The following MATN2 variants were observed in gnomAD, a reference collection of about 807,000 sequenced individuals.
MATN2 encodes matrilin-2.
A neutral mutation model predicts 103.2 loss-of-function variants in MATN2; 69 were observed. That is an observed-to-expected ratio of 0.67 (90% CI 0.55 to 0.82). The LOEUF (loss-of-function observed/expected upper bound fraction) is 0.82, where lower values mean the gene tolerates loss of function less well. MATN2 is among the 40% of genes least tolerant of loss of function. The pLI is 0.00. For missense variants in MATN2, 1,023 were observed against 1,211.5 expected, an observed-to-expected ratio of 0.84 and a Z score of 2.31; for synonymous variants, 429 against 450.2, an observed-to-expected ratio of 0.95 and a Z score of 0.60.
intron 2 of MATN2, among the ~76,000 whole-genome samples, chr8:97,899,746 C>T (rs1351912383): frequency 6.6e-6 from 1 of 152,154 alleles, no homozygotes; most frequent in Non-Finnish European, 1.5e-5. Context: ...ACATATGAAT[C>T]GCGGGCAGGG....
At position 98,007,293 on chromosome 8, in the gene MATN2, A is replaced by G. The variant is rs1813006727; in HGVS notation, c.1450+66A>G. ...CCAGGAGTGAAACCTATGTGACTGC[A>G]GAGGGCACAGGTTGTACTTGGGCAC... On this transcript the variant is annotated intron_variant, in intron 9 of 18. Coordinates refer to ENST00000254898, the MANE Select transcript of MATN2 (RefSeq NM_002380.5). This position sits in a 1 kb window ranked among gnomAD's most constrained non-coding sequence, Gnocchi z 4.2. 1.9e-6 allele frequency: 3 copies of G among 1,606,102 alleles called. No homozygotes were observed. Among genetic ancestry groups the G allele is most frequent in the Admixed American group, 3.3e-5 (2 of 59,822 alleles).
chr8:97,939,279 G>A (rs1019705060), intron 3 of MATN2, among the ~76,000 whole-genome samples: 6 of 152,160 alleles, frequency 3.9e-5, no homozygotes, highest in African/African-American at 1.4e-4. Context: ...TGTTTTCCCT[G>A]TAAGGCACAT....
chr8:98,030,660 A>T, intron 15 of MATN2, 46 bp downstream of exon 15: 2 of 1,572,136 alleles, frequency 1.3e-6, no homozygotes, highest in South Asian at 1.2e-5. Flanking sequence ...GGCAGCATGA[A>T]CTCCTTTTTT....
chr8:97,967,854 G>C (rs1406845660), intron 5 of MATN2, among the ~76,000 whole-genome samples: 1 of 152,232 alleles, frequency 6.6e-6, no homozygotes. Context: ...TAGGGACTCT[G>C]TATGAGAGTT....
Position 97,895,413 on chromosome 8 carries a change from C to T in MATN2, c.142+7171C>T, listed in dbSNP as rs570100592. On this transcript the variant is annotated intron_variant, in intron 2 of 18. Transcript: ENST00000254898. ...TGAGCTTTCCAGAGCTTTGTCCATT[C>T]TCTTCCTTCTACCTGGAATATCCTT... is the stretch of plus-strand genomic sequence containing the variant. 6.8e-4 allele frequency among the ~76,000 whole-genome samples: 103 copies of T among 152,320 alleles called. No homozygotes were observed. The South Asian group carries it at 0.021, about 31-fold the overall frequency.
At chr8:97,933,678 C>A (rs757868302) in intron 3 of MATN2, among the ~76,000 whole-genome samples, 5 of 152,126 alleles carry the variant, frequency 3.3e-5, no homozygotes, top group Non-Finnish European at 7.4e-5. Context: ...AATCTGGAAG[C>A]TCTAAGAAAA....
intron 1 of MATN2, among the ~76,000 whole-genome samples, chr8:97,875,457 A>G (rs1242423232): frequency 6.6e-6 from 1 of 152,142 alleles, no homozygotes; most frequent in Non-Finnish European, 1.5e-5. Flanking sequence ...AAAAAGGTGC[A>G]CAAATCATGA....
In MATN2 at chr8:97,893,737, C is replaced by T. The variant is rs1048747235; in HGVS notation, c.142+5495C>T. 5.7e-4 allele frequency among the ~76,000 whole-genome samples: 87 copies of T among 152,226 alleles called. 1 individual carries two copies. Among genetic ancestry groups the T allele is most frequent in the Middle Eastern group, 3.4e-3 (1 of 294 alleles). ...GATTACAGGTGCCTGCCACCACGCC[C>T]GGTTAATTTTTGTATTTTTAGTAGA... On this transcript the variant is annotated intron_variant, in intron 2 of 18. Coordinates refer to ENST00000254898, the MANE Select transcript of MATN2 (RefSeq NM_002380.5).
intron 2 of MATN2, among the ~76,000 whole-genome samples, chr8:97,903,828 AC>A (rs948188086): frequency 1.6e-4 from 25 of 152,180 alleles, no homozygotes; most frequent in African/African-American, 6.0e-4. Flanking sequence ...CGGAGATAGG[AC>A]CACTTGATCC....
At position 98,005,925 on chromosome 8, in the gene MATN2, G is replaced by A. The variant is rs1391996843; in HGVS notation, c.1328-1180G>A. Among the ~76,000 whole-genome samples the A allele has an allele frequency of 1.3e-5, 2 of 152,342 alleles. No individual in the cohort carries two copies. The highest frequency in any genetic ancestry group is 2.1e-4 in the South Asian group (1 of 4,828). On this transcript the variant is annotated intron_variant, in intron 8 of 18. Coordinates refer to ENST00000254898, the MANE Select transcript of MATN2 (RefSeq NM_002380.5). The surrounding 1 kb of genome is among the most constrained non-coding windows in gnomAD (Gnocchi z 4.6). ...CCCAAGATCCAGCAAGTGTTCGCAG[G>A]AGATGCATCCACCAGTGGAATGTTC...
intron 4 of MATN2, among the ~76,000 whole-genome samples, chr8:97,954,307 C>T (rs981514089): frequency 8.5e-5 from 13 of 152,218 alleles, no homozygotes; most frequent in African/African-American, 1.2e-4. Flanking sequence ...TCAGTTCACA[C>T]TGTTAAAAAT....
At chr8:97,967,773 A>T (rs188066216) in intron 5 of MATN2, among the ~76,000 whole-genome samples, 1 of 152,366 alleles carries the variant, frequency 6.6e-6, no homozygotes, top group East Asian at 1.9e-4. Context: ...GCAAACTGCC[A>T]GTGGCTCTAC....
rs2130258146 is a variant in MATN2, at chr8:97,961,503, C to G, written c.931C>G (p.Leu311Val). 6.2e-7 allele frequency: 1 copy of G among 1,613,494 alleles called. No homozygotes were observed. The highest frequency in any genetic ancestry group is 2.2e-5 in the East Asian group (1 of 44,840). Residue 311 changes from leucine to valine, a missense_variant, in exon 5 of 19, where the codon CTG becomes GTG. Leu to Val is a conservative substitution (Grantham distance 32). Transcript: ENST00000254898. ...CTGCCAGTGCTACAGTGGCTACGCC[C>G]TGGCTGAGGATGGGAAGAGGTGTGT... ...FVCQCYSGYALAEDGKRCVAV... is the reference protein window; with the variant it reads ...FVCQCYSGYAVAEDGKRCVAV...
Position 97,961,530 on chromosome 8 carries a change from G to T in MATN2, c.958G>T (p.Ala320Ser). 7.4e-6 allele frequency: 12 copies of T among 1,610,750 alleles called. No individual in the cohort carries two copies. Among genetic ancestry groups the T allele is most frequent in the Non-Finnish European group, 1.0e-5 (12 of 1,178,254 alleles). Reference sequence around the variant, plus strand: ...GGCTGAGGATGGGAAGAGGTGTGTGGGTGAGTATCCCTCCAGCTGGGCTTG... The same window carrying T: ...GGCTGAGGATGGGAAGAGGTGTGTGTGTGAGTATCCCTCCAGCTGGGCTTG... Reference protein sequence around the residue: ...ALAEDGKRCVAVDYCASENHG... With the variant: ...ALAEDGKRCVSVDYCASENHG... Residue 320 changes from alanine (A) to serine (S), a missense_variant and splice_region_variant, in exon 5 of 19, where the codon GCT becomes TCT. By Grantham distance (99) the Ala-to-Ser change is moderately conservative. Coordinates refer to ENST00000254898, the MANE Select transcript of MATN2 (RefSeq NM_002380.5).
In MATN2 at chr8:97,931,927, T is replaced by G. The variant is rs1489719230; in HGVS notation, c.712+405T>G. Among the ~76,000 whole-genome samples, 1 of 152,204 alleles carries G rather than the reference T, an allele frequency of 6.6e-6. No individual in the cohort carries two copies. The highest frequency in any genetic ancestry group is 2.4e-5 in the African/African-American group (1 of 41,450). On this transcript the variant is annotated intron_variant, in intron 3 of 18. Coordinates refer to ENST00000254898, the MANE Select transcript of MATN2 (RefSeq NM_002380.5). The surrounding 1 kb of genome is among the most constrained non-coding windows in gnomAD (Gnocchi z 4.1). ...CATGTTGCCCAGGCTGATCTGAAAC[T>G]CCTGGCTTCAAGCGATCCTCCTGCC...
At chr8:97,941,049 C>T (rs1456006659) in intron 3 of MATN2, among the ~76,000 whole-genome samples, 1 of 150,854 alleles carries the variant, frequency 6.6e-6, no homozygotes, top group Non-Finnish European at 1.5e-5. Flanking sequence ...ATAGTCCCAG[C>T]TACTCAGGAA....
At chr8:97,973,893 A>G (rs1167680141) in intron 5 of MATN2, among the ~76,000 whole-genome samples, 1 of 151,964 alleles carries the variant, frequency 6.6e-6, no homozygotes, top group Non-Finnish European at 1.5e-5. Flanking sequence ...GTTGTCTATG[A>G]TTTTTTAGTT....
intron 2 of MATN2, among the ~76,000 whole-genome samples, chr8:97,893,345 C>T (rs1313832959): frequency 6.6e-6 from 1 of 152,144 alleles, no homozygotes; most frequent in Non-Finnish European, 1.5e-5. Flanking sequence ...TGGCACCCAT[C>T]CCCTTCCACA....
chr8:97,888,533 C>A (rs1026163643), intron 2 of MATN2, among the ~76,000 whole-genome samples: 1 of 152,150 alleles, frequency 6.6e-6, no homozygotes, highest in Admixed American at 6.5e-5. Flanking sequence ...TGTTGTTGGA[C>A]CTATCTGAGC....
Sources: allele counts gnomAD v4.1 joint callset (sites outside exome capture counted in the v4.1 genomes callset), GRCh38; gene constraint gnomAD v4.1.1; non-coding constraint Gnocchi (gnomAD v3.1); transcripts MANE v1.5; gene names NCBI Gene and HGNC (gene_info 2026-07-23, HGNC 2026-07-21).